ZNF521: variants seen among roughly 807,000 people sequenced by gnomAD.
ZNF521 encodes the protein zinc finger protein 521.
ZNF521 carries 14 observed loss-of-function variants against 105.5 expected under a neutral mutation model. The ratio of observed to expected loss-of-function variants is 0.13; its 90% CI spans 0.09 to 0.21. ZNF521 has a LOEUF of 0.21. Ranked by LOEUF, ZNF521 falls within the 10% of genes least tolerant of loss-of-function variation. The pLI, the probability that ZNF521 is intolerant of heterozygous loss-of-function variation, is 1.00. For missense variants in ZNF521, 1,233 were observed against 1,629.7 expected, an observed-to-expected ratio of 0.76 and a Z score of 4.19; for synonymous variants, 635 against 606.0, an observed-to-expected ratio of 1.05 and a Z score of -0.70.
At chr18:25,214,297 A>G (rs372445795) in intron 4 of ZNF521, among the ~76,000 whole-genome samples, 1 of 152,116 alleles carries the variant, frequency 6.6e-6, no homozygotes. Context: ...TTAGCTTTTT[A>G]ACTTCTGCGA....
chr18:25,215,704 T>C (rs180980668), intron 4 of ZNF521, among the ~76,000 whole-genome samples: 116 of 152,274 alleles, frequency 7.6e-4, no homozygotes, highest in Admixed American at 3.3e-3. Flanking sequence ...GGTCTAGAAC[T>C]GGAGGTAAGT....
At chr18:25,128,494 T>A (rs1055903419) in intron 5 of ZNF521, among the ~76,000 whole-genome samples, 1 of 151,842 alleles carries the variant, frequency 6.6e-6, no homozygotes, top group African/African-American at 2.4e-5. Context: ...ATATACAGAC[T>A]GGAAAAAAAG....
intron 5 of ZNF521, among the ~76,000 whole-genome samples, chr18:25,162,866 T>C (rs909665794): frequency 6.7e-6 from 1 of 149,796 alleles, no homozygotes; most frequent in African/African-American, 2.4e-5. Context: ...TTAGGTTAGA[T>C]TTTTTTTTTG....
chr18:25,224,690 G>A lies in ZNF521; in HGVS notation c.3228C>T (p.Ser1076=). The A allele has an allele frequency of 6.2e-7, 1 of 1,614,040 alleles. No individual in the cohort carries two copies. Residue 1076 remains serine, a synonymous_variant, in exon 4 of 8, where the codon TCC becomes TCT. Coordinates refer to ENST00000361524, the MANE Select transcript of ZNF521 (RefSeq NM_015461.3). ...KCASCLKEFR[S]KQDLVKLDIN... ...TATCAAGTTTCACCAGATCTTGCTT[G>A]GAACGGAATTCTTTGAGGCAAGATG...
chr18:25,288,967 T>G (rs112871338), intron 3 of ZNF521, among the ~76,000 whole-genome samples: 1 of 152,228 alleles, frequency 6.6e-6, no homozygotes, highest in Non-Finnish European at 1.5e-5. Flanking sequence ...AGGCTATTGA[T>G]AATAAAAGCA....
intron 5 of ZNF521, among the ~76,000 whole-genome samples, chr18:25,116,525 T>C (rs769402837): frequency 1.3e-5 from 2 of 152,098 alleles, no homozygotes; most frequent in Non-Finnish European, 2.9e-5. Flanking sequence ...CTAAACCTTG[T>C]GGAATGGGAG....
At chr18:25,345,938 G>A (rs946582603) in intron 2 of ZNF521, among the ~76,000 whole-genome samples, 1 of 152,074 alleles carries the variant, frequency 6.6e-6, no homozygotes, top group Non-Finnish European at 1.5e-5. Flanking sequence ...ATACATTTCT[G>A]TATGCCAATT....
chr18:25,260,460 C>T (rs1252614116), intron 3 of ZNF521, among the ~76,000 whole-genome samples: 2 of 152,092 alleles, frequency 1.3e-5, no homozygotes, highest in African/African-American at 2.4e-5. Context: ...AAACCTTAAG[C>T]AAGTTACTTA....
chr18:25,330,874 AG>A (rs1189105159), intron 2 of ZNF521, among the ~76,000 whole-genome samples: 1 of 152,230 alleles, frequency 6.6e-6, no homozygotes, highest in Non-Finnish European at 1.5e-5. Context: ...ACAGAGCAGC[AG>A]GGGAAAGAGA....
intron 2 of ZNF521, 75 bp downstream of exon 2, chr18:25,350,832 A>C (rs1005650315): frequency 6.7e-7 from 1 of 1,501,478 alleles, no homozygotes; most frequent in Non-Finnish European, 9.0e-7. Flanking sequence ...CCTCGCAGCC[A>C]CGCAGCCCTC....
intron 3 of ZNF521, among the ~76,000 whole-genome samples, chr18:25,308,331 CCA>C (rs1442267097): frequency 6.6e-6 from 1 of 152,002 alleles, no homozygotes; most frequent in Non-Finnish European, 1.5e-5. Context: ...AAAGCTGCTG[CCA>C]AACTCCTGAC....
intron 3 of ZNF521, among the ~76,000 whole-genome samples, chr18:25,250,816 A>C (rs534885464): frequency 1.3e-5 from 2 of 152,334 alleles, no homozygotes; most frequent in South Asian, 4.1e-4. Context: ...AAAATGTCTC[A>C]TGTAAAAATC....
At chr18:25,088,219 C>CTTT (rs549305074) in intron 7 of ZNF521, among the ~76,000 whole-genome samples, 2 of 147,716 alleles carry the variant, frequency 1.4e-5, no homozygotes, top group Non-Finnish European at 3.0e-5. Context: ...CTTTTCTTTT[C>CTTT]TTTTTTTTTT....
chr18:25,289,582 T>C (rs1196478578), intron 3 of ZNF521, among the ~76,000 whole-genome samples: 1 of 152,214 alleles, frequency 6.6e-6, no homozygotes, highest in Non-Finnish European at 1.5e-5. Flanking sequence ...TTCTACAAAA[T>C]GAAAATGTAT....
intron 5 of ZNF521, among the ~76,000 whole-genome samples, chr18:25,159,837 T>G (rs1416272803): frequency 1.3e-5 from 2 of 152,210 alleles, no homozygotes; most frequent in Non-Finnish European, 2.9e-5. Flanking sequence ...CTTGGTGTTC[T>G]CAGTGTAACA....
intron 5 of ZNF521, among the ~76,000 whole-genome samples, chr18:25,111,893 C>T (rs928747715): frequency 9.2e-5 from 14 of 152,216 alleles, no homozygotes; most frequent in African/African-American, 3.4e-4. Flanking sequence ...TTCTCTGGCC[C>T]TCCTCGGCGT....
chr18:25,287,130 A>G (rs1910751387), intron 3 of ZNF521, among the ~76,000 whole-genome samples: 1 of 152,212 alleles, frequency 6.6e-6, no homozygotes, highest in African/African-American at 2.4e-5. Flanking sequence ...AAGAACAAAG[A>G]GACCAAACAT....
intron 5 of ZNF521, among the ~76,000 whole-genome samples, chr18:25,098,941 T>C (rs532368638): frequency 1.1e-3 from 171 of 152,328 alleles, no homozygotes; most frequent in African/African-American, 3.8e-3. Context: ...AATGGAATGA[T>C]TGAAGACAGC....
chr18:25,243,201 C>A (rs1481451692), intron 3 of ZNF521, among the ~76,000 whole-genome samples: 1 of 152,156 alleles, frequency 6.6e-6, no homozygotes, highest in Non-Finnish European at 1.5e-5. Flanking sequence ...TCAAACCAAT[C>A]ATCTTTTCTT....
Sources: allele counts gnomAD v4.1 joint callset (sites outside exome capture counted in the v4.1 genomes callset), GRCh38; gene constraint gnomAD v4.1.1; transcripts MANE v1.5; gene names NCBI Gene and HGNC (gene_info 2026-07-23, HGNC 2026-07-21).